PDE4D: variants seen among roughly 807,000 people sequenced by gnomAD.
PDE4D encodes 3',5'-cyclic-AMP phosphodiesterase 4D.
Under a neutral mutation model 87.4 loss-of-function variants are expected in PDE4D, and 24 were observed. The observed-to-expected ratio is 0.27, with a 90% confidence interval of 0.20 to 0.39. PDE4D has a LOEUF of 0.39. Among genes scored for constraint, PDE4D ranks in the 10% least tolerant of loss-of-function variants. PDE4D has a pLI of 1.00. For missense variants in PDE4D, 714 were observed against 1,041.0 expected (o/e 0.69, Z 4.32); for synonymous variants, 384 against 383.2 (o/e 1.00, Z -0.02).
intron 1 of PDE4D, among the ~76,000 whole-genome samples, chr5:59,807,705 AG>A (rs1169705241): frequency 1.6e-4 from 25 of 152,236 alleles, no homozygotes; most frequent in Non-Finnish European, 3.4e-4. Flanking sequence ...CGAAACATTC[AG>A]GTTCTGCATT....
intron 1 of PDE4D, among the ~76,000 whole-genome samples, chr5:60,451,933 T>C (rs567493696): frequency 1.3e-4 from 20 of 152,110 alleles, no homozygotes; most frequent in Non-Finnish European, 2.5e-4. Flanking sequence ...TTATGAACTA[T>C]GTAATGACAA....
intron 2 of PDE4D, among the ~76,000 whole-genome samples, chr5:60,037,428 A>G (rs566468352): frequency 6.6e-6 from 1 of 152,302 alleles, no homozygotes; most frequent in South Asian, 2.1e-4. Flanking sequence ...CAAATAAAAG[A>G]TTATTTCATT....
At chr5:60,391,981 A>G (rs1241886858) in intron 1 of PDE4D, among the ~76,000 whole-genome samples, 1 of 152,222 alleles carries the variant, frequency 6.6e-6, no homozygotes, top group Non-Finnish European at 1.5e-5. Flanking sequence ...CCCTTCTGAA[A>G]CTGTTGGTTT....
chr5:60,016,584 T>C (rs1304027188), intron 2 of PDE4D, among the ~76,000 whole-genome samples: 2 of 152,230 alleles, frequency 1.3e-5, no homozygotes, highest in African/African-American at 2.4e-5. Flanking sequence ...GCCACTGCTT[T>C]ATCAAGTAAG....
intron 2 of PDE4D, among the ~76,000 whole-genome samples, chr5:60,101,610 A>G (rs1173363199): frequency 6.6e-6 from 1 of 152,126 alleles, no homozygotes; most frequent in Non-Finnish European, 1.5e-5. Context: ...AAGTTTTTCA[A>G]TCCTAGGAAT....
intron 1 of PDE4D, among the ~76,000 whole-genome samples, chr5:60,313,764 C>T (rs1755268352): frequency 6.6e-6 from 1 of 152,154 alleles, no homozygotes; most frequent in African/African-American, 2.4e-5. Context: ...GACTTTATCC[C>T]TGGGATACAA....
At chr5:59,014,552 A>C (rs1224910139) in intron 6 of PDE4D, among the ~76,000 whole-genome samples, 1 of 152,198 alleles carries the variant, frequency 6.6e-6, no homozygotes, top group East Asian at 1.9e-4. Context: ...AATTACTTCA[A>C]AGAGAATAAA....
chr5:59,029,240 A>G (rs2409614), intron 6 of PDE4D, among the ~76,000 whole-genome samples: 126,581 of 149,054 alleles, frequency 0.85, 53,798 homozygotes, highest in Admixed American at 0.9. Context: ...GTGAAACCCC[A>G]TCTCTACTTA....
chr5:59,527,961 C>A, intron 1 of PDE4D, among the ~76,000 whole-genome samples: 1 of 152,124 alleles, frequency 6.6e-6, no homozygotes, highest in East Asian at 1.9e-4. Context: ...ATATCTGAAA[C>A]CTCAACTCCT....
intron 1 of PDE4D, among the ~76,000 whole-genome samples, chr5:59,562,658 C>T (rs1262018240): frequency 6.6e-6 from 1 of 152,152 alleles, no homozygotes; most frequent in African/African-American, 2.4e-5. Flanking sequence ...CTTTAAAGTA[C>T]AGTATATATA....
chr5:59,452,015 G>A (rs1396533720), intron 1 of PDE4D, among the ~76,000 whole-genome samples: 1 of 152,100 alleles, frequency 6.6e-6, no homozygotes, highest in African/African-American at 2.4e-5. Flanking sequence ...CCTTGAATGT[G>A]GCCCAACACA....
intron 1 of PDE4D, among the ~76,000 whole-genome samples, chr5:59,851,992 GTTATC>G (rs1233271957): frequency 6.6e-6 from 1 of 152,086 alleles, no homozygotes; most frequent in Non-Finnish European, 1.5e-5. Flanking sequence ...GTAAATGGGT[GTTATC>G]TTAAGCTGCT....
chr5:59,820,569 G>A (rs1281644073), intron 1 of PDE4D, among the ~76,000 whole-genome samples: 1 of 152,214 alleles, frequency 6.6e-6, no homozygotes, highest in Non-Finnish European at 1.5e-5. Context: ...TAGGTCTCTT[G>A]TGTTTCTTGA....
At chr5:59,300,662 C>T (rs72767709) in intron 1 of PDE4D, among the ~76,000 whole-genome samples, 10,817 of 152,116 alleles carry the variant, frequency 0.071, 498 homozygotes, top group South Asian at 0.13. Flanking sequence ...AAGCCTTCTA[C>T]GAACAAACAT....
chr5:60,168,223 G>A (rs1783107371), intron 2 of PDE4D, among the ~76,000 whole-genome samples: 1 of 152,170 alleles, frequency 6.6e-6, no homozygotes, highest in African/African-American at 2.4e-5. Flanking sequence ...AAACCCAAAA[G>A]AGCTAATCAA....
chr5:59,376,925 G>A (rs1311391968), intron 1 of PDE4D, among the ~76,000 whole-genome samples: 1 of 152,086 alleles, frequency 6.6e-6, no homozygotes, highest in Admixed American at 6.6e-5. Context: ...ACAAAAACAA[G>A]CATTGGAGAA....
At chr5:60,392,003 A>G (rs1762589799) in intron 1 of PDE4D, among the ~76,000 whole-genome samples, 1 of 152,230 alleles carries the variant, frequency 6.6e-6, no homozygotes, top group Admixed American at 6.5e-5. Flanking sequence ...ATAACCTGGG[A>G]TGACTAACTC....
At chr5:59,566,642 T>C (rs893513534) in intron 1 of PDE4D, among the ~76,000 whole-genome samples, 3 of 151,158 alleles carry the variant, frequency 2.0e-5, no homozygotes, top group African/African-American at 7.3e-5. Context: ...CCCCAGTTAA[T>C]CATAAACTCC....
intron 11 of PDE4D, among the ~76,000 whole-genome samples, chr5:58,986,822 T>C (rs928182084): frequency 3.3e-5 from 5 of 152,022 alleles, no homozygotes; most frequent in Non-Finnish European, 5.9e-5. Flanking sequence ...TGTATCAGAG[T>C]ACTTGGAAGA....
Sources: gnomAD v4.1 joint callset for allele counts (sites outside exome capture counted in the v4.1 genomes callset) on GRCh38, gnomAD v4.1.1 for gene constraint, MANE v1.5 for transcripts, NCBI Gene and HGNC (gene_info 2026-07-23, HGNC 2026-07-21) for gene names.